The following CD84 variants were observed in gnomAD, a reference collection of about 807,000 sequenced individuals.
CD84 encodes the protein CD84 molecule.
In CD84, 22 loss-of-function variants were observed where a neutral mutation model predicts 33.8. The observed-to-expected ratio is 0.65, with a 90% CI of 0.46 to 0.93. CD84 has a LOEUF of 0.93. Ranked by LOEUF, CD84 falls within the 40% of genes least tolerant of loss-of-function variation. The probability of loss-of-function intolerance (pLI) is 0.00; values close to 1 mark genes in which losing one functional copy is unlikely to be tolerated. For synonymous variants in CD84, 154 were observed against 145.2 expected, an observed-to-expected ratio of 1.06 and a Z score of -0.44; for missense variants, 400 against 397.6, an observed-to-expected ratio of 1.01 and a Z score of -0.05.
At chr1:160,575,505 ACAC>A (rs2102212170) in intron 1 of CD84, among the ~76,000 whole-genome samples, 1 of 151,694 alleles carries the variant, frequency 6.6e-6, no homozygotes, top group African/African-American at 2.4e-5. Flanking sequence ...ACACACACAC[ACAC>A]ACACACACAC....
intron 1 of CD84, among the ~76,000 whole-genome samples, chr1:160,574,703 T>A (rs1048905287): frequency 6.6e-6 from 1 of 152,168 alleles, no homozygotes; most frequent in Non-Finnish European, 1.5e-5. Flanking sequence ...TGTCAGGGAC[T>A]GGCCATGAAC....
At chr1:160,572,244 C>T (rs1219616729) in intron 1 of CD84, among the ~76,000 whole-genome samples, 1 of 151,990 alleles carries the variant, frequency 6.6e-6, no homozygotes, top group East Asian at 1.9e-4. Flanking sequence ...ACACAGTGGA[C>T]ATTTTGGAAT....
chr1:160,579,490 T>C lies in CD84; in HGVS notation c.-53A>G. On this transcript the variant is annotated 5_prime_UTR_variant, in exon 1 of 7. Coordinates refer to ENST00000368054, the MANE Select transcript of CD84 (RefSeq NM_003874.4). ...AAAGCACGGCACTGTTCTAGCAGAG[T>C]CAGTTTCACTTGAGTTTTCTTCCTC... 1 of 1,594,696 alleles carries C rather than the reference T, an allele frequency of 6.3e-7. No homozygotes were observed. The highest frequency in any genetic ancestry group is 8.5e-7 in the Non-Finnish European group (1 of 1,171,312).
At chr1:160,577,556 C>T (rs12406627) in intron 1 of CD84, among the ~76,000 whole-genome samples, 1 of 152,148 alleles carries the variant, frequency 6.6e-6, no homozygotes, top group African/African-American at 2.4e-5. Flanking sequence ...CAACCAACAC[C>T]TAAGCTCAAA....
chr1:160,556,054 C>T (rs1046693351), intron 2 of CD84, among the ~76,000 whole-genome samples: 3 of 151,928 alleles, frequency 2.0e-5, no homozygotes, highest in Non-Finnish European at 4.4e-5. Flanking sequence ...TGTGTGTGTG[C>T]GTGTGTGTTT....
At chr1:160,550,832 G>T (rs1656164227) in intron 5 of CD84, 106 bp downstream of exon 5, 1 of 1,570,598 alleles carries the variant, frequency 6.4e-7, no homozygotes, top group African/African-American at 1.4e-5. Flanking sequence ...CTGGACTCTT[G>T]GCCGTGGCTG....
At chr1:160,549,690 G>C (rs3766384) in intron 6 of CD84, among the ~76,000 whole-genome samples, 51,542 of 151,978 alleles carry the variant, frequency 0.34, 9,252 homozygotes, top group African/African-American at 0.43. Context: ...GCATTTGAAG[G>C]GTGGGATCAG....
At chr1:160,551,167 T>A (rs1475437597) in intron 4 of CD84, 132 bp from the exon 5 acceptor site, 1 of 706,122 alleles carries the variant, frequency 1.4e-6, no homozygotes, top group African/African-American at 1.8e-5. Flanking sequence ...TCCTTTGAAA[T>A]GGATGCTTGG....
chr1:160,565,320 A>C, intron 2 of CD84, 84 bp downstream of exon 2: 1 of 1,001,654 alleles, frequency 1.0e-6, no homozygotes, highest in African/African-American at 1.6e-5. Flanking sequence ...AGGGGACCCA[A>C]TTATCAGAAA....
intron 2 of CD84, among the ~76,000 whole-genome samples, chr1:160,559,653 C>T (rs992713122): frequency 2.2e-4 from 33 of 152,020 alleles, no homozygotes; most frequent in Middle Eastern, 3.2e-3. Context: ...AGTGTAAATG[C>T]GCTAAATGCC....
rs527534643 is a variant in CD84 at position 160,573,479 on chromosome 1, A to G, written c.46+5913T>C. 6.6e-4 allele frequency among the ~76,000 whole-genome samples: 100 copies of G among 152,312 alleles called. No individual in the cohort carries two copies. The Middle Eastern group carries it at 0.01, about 16-fold the overall frequency. ...TCCCCTACTTCCCTACTCCAACCAC[A>G]TCAGCTCCCTCTGTTCTGTAAACAG... On this transcript the variant is annotated intron_variant, in intron 1 of 6. Coordinates refer to ENST00000368054, the MANE Select transcript of CD84 (RefSeq NM_003874.4).
intron 1 of CD84, among the ~76,000 whole-genome samples, chr1:160,566,545 G>A (rs74124868): frequency 0.05 from 7,589 of 152,256 alleles, 642 homozygotes; most frequent in African/African-American, 0.17. Flanking sequence ...AATTTATAAT[G>A]TAAGTGTTTG....
At chr1:160,553,101 G>T in intron 4 of CD84, 1 of 588,560 alleles carries the variant, frequency 1.7e-6, no homozygotes. Context: ...GAACACACTC[G>T]TACAGTGAAG....
chr1:160,567,087 T>A (rs1342701069), intron 1 of CD84, among the ~76,000 whole-genome samples: 1 of 152,164 alleles, frequency 6.6e-6, no homozygotes, highest in East Asian at 1.9e-4. Flanking sequence ...AGAAAGGGTG[T>A]TAGCCATAAA....
Position 160,548,235 on chromosome 1 carries a change from G to C in CD84, c.*21C>G, listed in dbSNP as rs1161523570. 1 of 1,613,642 alleles carries C rather than the reference G, an allele frequency of 6.2e-7. No homozygotes were observed. The highest frequency in any genetic ancestry group is 1.7e-5 in the Admixed American group (1 of 60,012). On this transcript the variant is annotated 3_prime_UTR_variant, in exon 7 of 7. Coordinates refer to ENST00000368054, the MANE Select transcript of CD84 (RefSeq NM_003874.4). Reference sequence around the variant, plus strand: ...TGGTGGTTGTAACTCAGTTTCCAGAGGGAGAATTCAGCCCAGCAGCCTAGA... The same window carrying C: ...TGGTGGTTGTAACTCAGTTTCCAGACGGAGAATTCAGCCCAGCAGCCTAGA...
intron 4 of CD84, among the ~76,000 whole-genome samples, chr1:160,551,760 G>A (rs1175438191): frequency 6.6e-6 from 1 of 152,154 alleles, no homozygotes; most frequent in African/African-American, 2.4e-5. Context: ...GCCCAGGTTG[G>A]TCTTGAACTC....
intron 2 of CD84, among the ~76,000 whole-genome samples, chr1:160,560,253 C>T (rs1476460517): frequency 6.6e-6 from 1 of 152,136 alleles, no homozygotes; most frequent in Non-Finnish European, 1.5e-5. Context: ...GTAAAACACT[C>T]CTCAGCAAAC....
In CD84 at chr1:160,542,130, T is replaced by G. The variant is rs1304598861; in HGVS notation, c.*6126A>C. ...TCTGCACCCAGCCCCTGGAGTTGAA[T>G]CCTGGCTTTTCTATTTACTAGGATG... On this transcript the variant is annotated 3_prime_UTR_variant, in exon 7 of 7. Transcript: ENST00000368054. The G allele has an allele frequency of 2.6e-5, 4 of 152,228 alleles. No homozygotes were observed. Among genetic ancestry groups the G allele is most frequent in the Non-Finnish European group, 5.9e-5 (4 of 68,050 alleles). The allele number at this position is 152,228 out of a possible 1,614,324, so 9.4% of individuals were successfully genotyped here.
Position 160,547,690 on chromosome 1 carries a change from G to A in CD84, c.*566C>T, listed in dbSNP as rs748880809. On this transcript the variant is annotated 3_prime_UTR_variant, in exon 7 of 7. Transcript: ENST00000368054. ...ATTCTGCTCTCCAAGCCATGCACTCGGGGGAAGGGCTGCATCTGCCTCAAG... is the reference window on the plus strand; with the variant it reads ...ATTCTGCTCTCCAAGCCATGCACTCAGGGGAAGGGCTGCATCTGCCTCAAG... 1.1e-4 allele frequency: 18 copies of A among 159,170 alleles called. No homozygotes were observed. Among genetic ancestry groups the A allele is most frequent in the Non-Finnish European group, 2.2e-4 (16 of 72,566 alleles). The allele number at this position is 159,170 out of a possible 1,614,324, so 9.9% of individuals were successfully genotyped here. A position where few individuals can be genotyped will look rare whatever the true frequency, so the allele number is the denominator to read the frequency against.
Sources: gnomAD v4.1 joint callset for allele counts (sites outside exome capture counted in the v4.1 genomes callset) on GRCh38, gnomAD v4.1.1 for gene constraint, MANE v1.5 for transcripts, NCBI Gene and HGNC (gene_info 2026-07-23, HGNC 2026-07-21) for gene names.